The following RPS6KC1 variants were observed in gnomAD, a reference collection of about 807,000 sequenced individuals.
RPS6KC1 encodes the protein inactive ribosomal protein S6 kinase delta-1.
RPS6KC1 carries 54 observed loss-of-function variants against 103.8 expected under a neutral mutation model. The ratio of observed to expected loss-of-function variants is 0.52; its 90% CI spans 0.42 to 0.65. The LOEUF is 0.65. Ranked by LOEUF, RPS6KC1 falls within the 30% of genes least tolerant of loss-of-function variation. The pLI, the probability that RPS6KC1 is intolerant of heterozygous loss-of-function variation, is 0.00. For missense variants in RPS6KC1, 1,151 were observed against 1,253.8 expected (o/e 0.92, Z 1.24); for synonymous variants, 439 against 438.7 (o/e 1.00, Z -0.01).
chr1:213,693,032 G>C, the RPS6KC1 span, among the ~76,000 whole-genome samples: 1 of 152,246 alleles, frequency 6.6e-6, no homozygotes, highest in Non-Finnish European at 1.5e-5. Context: ...GCTTAATGAG[G>C]ACAGCAGGAT....
At chr1:213,318,625 T>G in the RPS6KC1 span, among the ~76,000 whole-genome samples, 5 of 152,246 alleles carry the variant, frequency 3.3e-5, 1 homozygote, top group Admixed American at 2.0e-4. Context: ...TAGTTCCTTA[T>G]GGCTGGAGAG....
chr1:213,399,903 AAG>A, the RPS6KC1 span, among the ~76,000 whole-genome samples: 1 of 152,086 alleles, frequency 6.6e-6, no homozygotes, highest in African/African-American at 2.4e-5. Context: ...TTGGCTTGAC[AAG>A]AGAGCTTTTG....
the RPS6KC1 span, among the ~76,000 whole-genome samples, chr1:213,577,164 C>CTAGTGATAGTGAATAAGTCTAGTGA: frequency 6.6e-6 from 1 of 152,108 alleles, no homozygotes; most frequent in Non-Finnish European, 1.5e-5. Flanking sequence ...CTGTGCTGCT[C>CTAGTGATAGTGAATAAGTCTAGTGA]TAGTGATAGT....
the RPS6KC1 span, among the ~76,000 whole-genome samples, chr1:213,355,255 T>C: frequency 1.3e-5 from 2 of 151,590 alleles, no homozygotes; most frequent in Non-Finnish European, 2.9e-5. Flanking sequence ...AAGGAAATCT[T>C]TGGAAAGCCC....
chr1:213,117,236 C>G, intron 4 of RPS6KC1, 81 bp from the exon 5 acceptor site: 3 of 666,582 alleles, frequency 4.5e-6, no homozygotes, highest in East Asian at 3.3e-5. Context: ...TTTACACATA[C>G]TTAATTGGGA....
At chr1:213,769,107 G>A in the RPS6KC1 span, among the ~76,000 whole-genome samples, 2 of 152,188 alleles carry the variant, frequency 1.3e-5, no homozygotes, top group African/African-American at 2.4e-5. Flanking sequence ...CAATGGGCAT[G>A]ATTAGGGATC....
the RPS6KC1 span, among the ~76,000 whole-genome samples, chr1:213,332,622 A>G: frequency 1.3e-5 from 2 of 152,116 alleles, no homozygotes; most frequent in African/African-American, 4.8e-5. Flanking sequence ...GTTTGCTTCA[A>G]CACCATTTAG....
chr1:213,346,032 C>T, the RPS6KC1 span, among the ~76,000 whole-genome samples: 2 of 152,126 alleles, frequency 1.3e-5, no homozygotes, highest in Non-Finnish European at 1.5e-5. Flanking sequence ...CATATACATC[C>T]CACCCTAATG....
chr1:213,832,367 A>G, the RPS6KC1 span, among the ~76,000 whole-genome samples: 4 of 152,238 alleles, frequency 2.6e-5, no homozygotes, highest in African/African-American at 4.8e-5. Context: ...TCTGGGCCCT[A>G]TGTCTTTCCT....
chr1:213,212,891 C>T (rs2093553347), intron 8 of RPS6KC1, among the ~76,000 whole-genome samples: 1 of 152,036 alleles, frequency 6.6e-6, no homozygotes, highest in Non-Finnish European at 1.5e-5. Flanking sequence ...GGTGAGGTGT[C>T]TGTTAGTCTT....
At chr1:213,382,806 G>A in the RPS6KC1 span, among the ~76,000 whole-genome samples, 1 of 152,128 alleles carries the variant, frequency 6.6e-6, no homozygotes, top group African/African-American at 2.4e-5. Context: ...CTGTGGGGAG[G>A]GCCTCTCCTT....
At chr1:213,057,379 C>G (rs967997968) in intron 1 of RPS6KC1, among the ~76,000 whole-genome samples, 1 of 152,132 alleles carries the variant, frequency 6.6e-6, no homozygotes, top group Non-Finnish European at 1.5e-5. Context: ...ATGAAATTGA[C>G]TTATTCTTTT....
the RPS6KC1 span, among the ~76,000 whole-genome samples, chr1:213,587,447 T>A: frequency 6.6e-6 from 1 of 152,164 alleles, no homozygotes; most frequent in African/African-American, 2.4e-5. Flanking sequence ...CCTGGGAAGA[T>A]ACCTTCAAGA....
chr1:213,259,908 T>G (rs1469745131), intron 12 of RPS6KC1, among the ~76,000 whole-genome samples: 1 of 151,970 alleles, frequency 6.6e-6, no homozygotes, highest in African/African-American at 2.4e-5. Context: ...ATGGCTAATT[T>G]TTGTATTTTT....
At chr1:213,415,892 C>T in the RPS6KC1 span, among the ~76,000 whole-genome samples, 6 of 152,286 alleles carry the variant, frequency 3.9e-5, no homozygotes, top group East Asian at 5.8e-4. Context: ...CAGTTTAACT[C>T]GGCAGATGAC....
At chr1:213,090,874 C>G (rs1440946843) in intron 3 of RPS6KC1, among the ~76,000 whole-genome samples, 1 of 151,954 alleles carries the variant, frequency 6.6e-6, no homozygotes, top group Non-Finnish European at 1.5e-5. Context: ...TCTTCCAAAG[C>G]AAAAAAGAAA....
the RPS6KC1 span, among the ~76,000 whole-genome samples, chr1:213,513,853 T>C: frequency 6.6e-6 from 1 of 152,208 alleles, no homozygotes; most frequent in African/African-American, 2.4e-5. Flanking sequence ...TCAGTGAACA[T>C]GCACCATTCC....
chr1:213,765,530 G>A, the RPS6KC1 span, among the ~76,000 whole-genome samples: 1 of 152,182 alleles, frequency 6.6e-6, no homozygotes, highest in Non-Finnish European at 1.5e-5. Context: ...TCCTCTTGAA[G>A]GCAAAGGTAT....
At chr1:213,329,815 G>A in the RPS6KC1 span, among the ~76,000 whole-genome samples, 1 of 152,016 alleles carries the variant, frequency 6.6e-6, no homozygotes, top group Non-Finnish European at 1.5e-5. Context: ...TCTTCTATTG[G>A]GGTCTCACCG....
Sources: allele counts gnomAD v4.1 joint callset (sites outside exome capture counted in the v4.1 genomes callset), GRCh38; gene constraint gnomAD v4.1.1; transcripts MANE v1.5; gene names NCBI Gene and HGNC (gene_info 2026-07-23, HGNC 2026-07-21).